Variants in ABCA13 observed in about 807,000 individuals in gnomAD.
ABCA13 encodes ATP-binding cassette sub-family A member 13.
In ABCA13, 476 loss-of-function variants were observed where a neutral mutation model predicts 478.7. The ratio of observed to expected loss-of-function variants is 0.99; its 90% CI spans 0.92 to 1.07. The LOEUF is 1.07. Ranked by LOEUF, ABCA13 falls within the 50% of genes least tolerant of loss-of-function variation. ABCA13 has a pLI of 0.00. For missense variants in ABCA13, 6,060 were observed against 5,910.6 expected, an observed-to-expected ratio of 1.03 and a Z score of -0.83; for synonymous variants, 2,252 against 2,158.9, an observed-to-expected ratio of 1.04 and a Z score of -1.20.
intron 59 of ABCA13, among the ~76,000 whole-genome samples, chr7:48,625,122 C>A (rs1793540282): frequency 6.6e-6 from 1 of 152,034 alleles, no homozygotes; most frequent in Non-Finnish European, 1.5e-5. Flanking sequence ...TGAAAGGAGG[C>A]AGAATCTTGT....
chr7:48,238,614 G>A lies in ABCA13; in HGVS notation c.898-627G>A, dbSNP rs552032591. ...CTCCTGAGTAGCTGGGACTACAGGC[G>A]CCCACCACCACGCCTGGCTAATCTT... On this transcript the variant is annotated intron_variant, in intron 8 of 61. Transcript: ENST00000435803. Among the ~76,000 whole-genome samples the A allele has an allele frequency of 1.1e-3, 165 of 152,026 alleles. 1 individual carries two copies. The highest frequency in any genetic ancestry group is 3.4e-3 in the Middle Eastern group (1 of 294).
At chr7:48,256,537 C>A (rs981368148) in intron 15 of ABCA13, among the ~76,000 whole-genome samples, 2 of 152,092 alleles carry the variant, frequency 1.3e-5, no homozygotes, top group African/African-American at 4.8e-5. Context: ...ATTCCAGCAC[C>A]TTTTATTGAT....
chr7:48,399,094 A>G (rs975939889), intron 38 of ABCA13, among the ~76,000 whole-genome samples: 3 of 152,192 alleles, frequency 2.0e-5, no homozygotes, highest in African/African-American at 7.2e-5. Context: ...AGAGTCAGTT[A>G]AAGAAAGAGC....
intron 42 of ABCA13, among the ~76,000 whole-genome samples, chr7:48,442,502 TA>T (rs1823760457): frequency 1.3e-5 from 2 of 152,216 alleles, no homozygotes. Flanking sequence ...TAATAATTTT[TA>T]TTTTTTGAAA....
intron 19 of ABCA13, among the ~76,000 whole-genome samples, chr7:48,286,973 C>A (rs1033749169): frequency 6.6e-5 from 10 of 152,110 alleles, no homozygotes; most frequent in African/African-American, 2.2e-4. Flanking sequence ...CTAGGTGCCA[C>A]AATGACAGGA....
At chr7:48,463,109 TG>T (rs1563298845) in intron 43 of ABCA13, among the ~76,000 whole-genome samples, 6 of 152,016 alleles carry the variant, frequency 3.9e-5, no homozygotes, top group South Asian at 2.1e-4. Context: ...TGTGCTTCTC[TG>T]TTTTTTTGTT....
intron 55 of ABCA13, among the ~76,000 whole-genome samples, chr7:48,533,650 A>T (rs994135826): frequency 6.6e-6 from 1 of 151,900 alleles, no homozygotes; most frequent in African/African-American, 2.4e-5. Flanking sequence ...TGTAGTAGTA[A>T]TTGTTTTATA....
chr7:48,272,626 T>A lies in ABCA13; in HGVS notation c.2960T>A (p.Phe987Tyr). The change falls in exon 17 of 62, where the codon TTC (phenylalanine) becomes TAC (tyrosine). Residue 987 changes from phenylalanine to tyrosine, a missense_variant. Around this residue, in one of 3 missense-constraint regions of ABCA13, gnomAD observed 4,423 missense variants for 4,309.1 expected, o/e 1.03. Transcript: ENST00000435803. The part of the protein sequence containing the change: ...NIQSRGSSLT[F>Y]LTQISKHILD... ...CAGAGTAGAGGCTCTTCGTTGACTT[T>A]CCTTACACAAATCTCAAAACACATT... 6.2e-7 allele frequency: 1 copy of A among 1,613,244 alleles called. No homozygotes were observed. The highest frequency in any genetic ancestry group is 8.5e-7 in the Non-Finnish European group (1 of 1,179,442).
intron 31 of ABCA13, among the ~76,000 whole-genome samples, chr7:48,366,620 G>A (rs1811711494): frequency 6.6e-6 from 1 of 152,032 alleles, no homozygotes; most frequent in Non-Finnish European, 1.5e-5. Context: ...AAGTGTAAGG[G>A]GAAGAGGGTG....
intron 5 of ABCA13, 99 bp from the exon 6 acceptor site, chr7:48,227,163 A>G: frequency 8.7e-7 from 1 of 1,151,954 alleles, no homozygotes; most frequent in Non-Finnish European, 1.3e-6. Context: ...TACTAGGAGA[A>G]TGTCTACAAT....
intron 39 of ABCA13, among the ~76,000 whole-genome samples, chr7:48,409,658 A>G (rs186554797): frequency 1.3e-5 from 2 of 152,336 alleles, no homozygotes; most frequent in South Asian, 2.1e-4. Context: ...AATGTATACC[A>G]TGGCCATTTC....
At chr7:48,323,787 T>TC (rs1803884365) in intron 27 of ABCA13, among the ~76,000 whole-genome samples, 1 of 152,080 alleles carries the variant, frequency 6.6e-6, no homozygotes, top group South Asian at 2.1e-4. Flanking sequence ...ATTGCCATAA[T>TC]CCCCACGTGT....
intron 3 of ABCA13, among the ~76,000 whole-genome samples, chr7:48,201,759 T>G (rs546930918): frequency 9.2e-5 from 14 of 152,302 alleles, no homozygotes; most frequent in African/African-American, 3.1e-4. Flanking sequence ...ACAGTTAATT[T>G]AGTTCATAAT....
At chr7:48,530,625 CTT>C (rs994257630) in intron 55 of ABCA13, among the ~76,000 whole-genome samples, 2 of 152,022 alleles carry the variant, frequency 1.3e-5, no homozygotes, top group Non-Finnish European at 2.9e-5. Flanking sequence ...AAAGTGTTCC[CTT>C]TTTACCACAT....
chr7:48,352,289 G>A lies in ABCA13; in HGVS notation c.10490G>A (p.Arg3497Gln), dbSNP rs566783688. 83 of 1,613,798 alleles carry A rather than the reference G, an allele frequency of 5.1e-5. No homozygotes were observed. The South Asian group carries it at 6.5e-4, about 13-fold the overall frequency. Residue 3497 changes from arginine (R) to glutamine (Q), a missense_variant, in exon 31 of 62, where the codon CGA becomes CAA. Arg to Gln is a conservative substitution (Grantham distance 43, BLOSUM62 1). Coordinates refer to ENST00000435803, the MANE Select transcript of ABCA13 (RefSeq NM_152701.5). ...CGGACCAATGTGTTATACAGCGTGC[G>A]AACAGATGTGGTAAAAAACCCTTCT... ...TIRTNVLYSV[R>Q]TDVVKNPSWK...
At chr7:48,320,044 C>G (rs749399985) in intron 27 of ABCA13, among the ~76,000 whole-genome samples, 3 of 152,078 alleles carry the variant, frequency 2.0e-5, no homozygotes, top group Non-Finnish European at 2.9e-5. Context: ...GGAGGTCAAG[C>G]ATTTTCATGA....
intron 6 of ABCA13, among the ~76,000 whole-genome samples, chr7:48,227,797 T>C (rs1330782104): frequency 1.3e-5 from 2 of 152,260 alleles, no homozygotes; most frequent in Non-Finnish European, 2.9e-5. Context: ...TTTGGTTGTT[T>C]CTGAGTTTTT....
At chr7:48,386,401 G>A (rs1268413601) in intron 35 of ABCA13, among the ~76,000 whole-genome samples, 1 of 152,132 alleles carries the variant, frequency 6.6e-6, no homozygotes, top group Non-Finnish European at 1.5e-5. Context: ...AAATTCACAT[G>A]GAACTAAAAA....
At chr7:48,181,730 T>G (rs578114890) in intron 1 of ABCA13, among the ~76,000 whole-genome samples, 3 of 151,674 alleles carry the variant, frequency 2.0e-5, no homozygotes, top group African/African-American at 7.3e-5. Context: ...ACCAATTTTA[T>G]TTTTTTTAAA....
Sources: gnomAD v4.1 joint callset for allele counts (sites outside exome capture counted in the v4.1 genomes callset) on GRCh38, gnomAD v4.1.1 for gene constraint, gnomAD v4.1.1 regional missense constraint, MANE v1.5 for transcripts, NCBI Gene and HGNC (gene_info 2026-07-23, HGNC 2026-07-21) for gene names.